The following ONECUT2 variants were observed in gnomAD, a reference collection of about 807,000 sequenced individuals.
The protein encoded by ONECUT2 is one cut domain family member 2.
ONECUT2 carries 10 observed loss-of-function variants against 27.9 expected under a neutral mutation model. The observed-to-expected ratio is 0.36, with a 90% CI of 0.22 to 0.61. The LOEUF (loss-of-function observed/expected upper bound fraction) is 0.61. ONECUT2 is among the 20% of genes least tolerant of loss of function. ONECUT2 has a pLI of 0.73. For synonymous variants in ONECUT2, 334 were observed against 315.1 expected (o/e 1.06, Z -0.64); for missense variants, 686 against 721.0 (o/e 0.95, Z 0.56).
chr18:57,460,173 C>A (rs1029099352), intron 1 of ONECUT2, among the ~76,000 whole-genome samples: 1 of 148,416 alleles, frequency 6.7e-6, no homozygotes, highest in African/African-American at 2.5e-5. Flanking sequence ...GCAATCCCCC[C>A]ACCTCAGCCT....
At chr18:57,476,047 G>C (rs4940770) in intron 1 of ONECUT2, among the ~76,000 whole-genome samples, 9,671 of 152,216 alleles carry the variant, frequency 0.064, 807 homozygotes, top group East Asian at 0.36. Context: ...TCGAGAGGGT[G>C]AATATGAAAG....
In ONECUT2 at chr18:57,479,204, C is replaced by T. The variant is rs10163833; in HGVS notation, c.*2481C>T. 6.6e-6 allele frequency: 1 copy of T among 152,120 alleles called. No homozygotes were observed. Among genetic ancestry groups the T allele is most frequent in the Non-Finnish European group, 1.5e-5 (1 of 67,972 alleles). The allele number at this position is 152,120 out of a possible 1,614,324, so 9.4% of individuals were successfully genotyped here. On this transcript the variant is annotated 3_prime_UTR_variant, in exon 2 of 2. Transcript: ENST00000491143. The stretch of plus-strand genomic sequence containing the variant: ...GAGTTTATAGAGGAATTTACAGCCT[C>T]GTTTTCATGTGATTGCTACATCCTA...
chr18:57,467,011 C>T, intron 1 of ONECUT2: 3 of 360,234 alleles, frequency 8.3e-6, no homozygotes, highest in South Asian at 6.3e-5. Context: ...GGAGATCTGC[C>T]CACCAGGGGC....
chr18:57,457,591 G>C (rs903276793), intron 1 of ONECUT2, among the ~76,000 whole-genome samples: 6 of 151,978 alleles, frequency 3.9e-5, no homozygotes, highest in Non-Finnish European at 7.4e-5. Context: ...AGTTGTGTTT[G>C]CTCAGTAGTG....
chr18:57,438,592 C>T (rs73959057), intron 1 of ONECUT2, among the ~76,000 whole-genome samples: 17,817 of 152,220 alleles, frequency 0.12, 1,341 homozygotes, highest in South Asian at 0.3. Context: ...TCCGCTTTGA[C>T]AGCATTTTCC....
chr18:57,436,253 C>G lies in ONECUT2; in HGVS notation c.537C>G (p.His179Gln). Reference sequence around the variant, plus strand: ...ACCCGCACCACCATCCGCACCACCACCACCACCACCACCACCAGCGCCTGT... The same window carrying G: ...ACCCGCACCACCATCCGCACCACCAGCACCACCACCACCACCAGCGCCTGT... The part of the protein sequence containing the change: ...HPHPHHHPHH[H>Q]HHHHHQRLSG... Residue 179 changes from histidine (H) to glutamine (Q), a missense_variant, in exon 1 of 2, where the codon CAC becomes CAG. Physicochemically the swap from His to Gln is conservative, Grantham distance 24. This residue lies in a region of ONECUT2 where 511 missense variants were observed against 488.1 expected (regional missense o/e 1.05). Transcript: ENST00000491143. This position sits in a 1 kb window ranked among gnomAD's most constrained non-coding sequence, Gnocchi z 5.9. 5 of 1,601,308 alleles carry G rather than the reference C, an allele frequency of 3.1e-6. No homozygotes were observed. Among genetic ancestry groups the G allele is most frequent in the Non-Finnish European group, 4.2e-6 (5 of 1,177,212 alleles).
rs2050267038 is a variant in ONECUT2 at position 57,457,618 on chromosome 18, T to C, written c.1229-18819T>C. Among the ~76,000 whole-genome samples the C allele has an allele frequency of 2.0e-5, 3 of 152,194 alleles. No homozygotes were observed. In the South Asian group the frequency reaches 6.2e-4, roughly 32 times the overall value. Reference sequence around the variant, plus strand: ...TCAGTAGTGGGATACTGCCTGTGAATAGCCACTGTACTCCAGCAGCTTAAA... The same window carrying C: ...TCAGTAGTGGGATACTGCCTGTGAACAGCCACTGTACTCCAGCAGCTTAAA... On this transcript the variant is annotated intron_variant, in intron 1 of 1. Coordinates refer to ENST00000491143, the MANE Select transcript of ONECUT2 (RefSeq NM_004852.3).
chr18:57,486,634 A>G lies in ONECUT2; in HGVS notation c.*9911A>G, dbSNP rs2050440038. 1 of 152,618 alleles carries G rather than the reference A, an allele frequency of 6.6e-6. No homozygotes were observed. 9.5% of individuals were successfully genotyped at this position (152,618 alleles called of 1,614,324 possible). ...AAAAGAAAAAAGAAAAAAAAGCTTTATACGTTTTAGGTTGTGCTTTTGTAA... is the reference window on the plus strand; with the variant it reads ...AAAAGAAAAAAGAAAAAAAAGCTTTGTACGTTTTAGGTTGTGCTTTTGTAA... On this transcript the variant is annotated 3_prime_UTR_variant, in exon 2 of 2. Coordinates refer to ENST00000491143, the MANE Select transcript of ONECUT2 (RefSeq NM_004852.3).
At position 57,483,928 on chromosome 18, in the gene ONECUT2, CAGAG is replaced by C. The variant is rs1299974911; in HGVS notation, c.*7208_*7211del. ...AGTTTATATTTTTAATTTAAAACAA[CAGAG>C]AGCACTGCAGTTTGTTTGCTGTCAG... is the stretch of plus-strand genomic sequence containing the variant. On this transcript the variant is annotated 3_prime_UTR_variant, in exon 2 of 2. Coordinates refer to ENST00000491143, the MANE Select transcript of ONECUT2 (RefSeq NM_004852.3). The C allele has an allele frequency of 6.6e-6, 1 of 152,618 alleles. No individual in the cohort carries two copies. The highest frequency in any genetic ancestry group is 1.9e-4 in the East Asian group (1 of 5,184). 9.5% of individuals were successfully genotyped at this position (152,618 alleles called of 1,614,324 possible). A position where few individuals can be genotyped will look rare whatever the true frequency, so the allele number is the denominator to read the frequency against.
Position 57,485,586 on chromosome 18 carries a change from A to G in ONECUT2, c.*8863A>G, listed in dbSNP as rs973374861. ...CAGCTTTTGACCAAATGGGTTTTAG[A>G]CAAATGCAAAGATCTGCCTCTAGTC... On this transcript the variant is annotated 3_prime_UTR_variant, in exon 2 of 2. Transcript: ENST00000491143. The G allele has an allele frequency of 5.9e-5, 9 of 152,228 alleles. No individual in the cohort carries two copies. Among genetic ancestry groups the G allele is most frequent in the Non-Finnish European group, 1.2e-4 (8 of 68,042 alleles). The allele number at this position is 152,228 out of a possible 1,614,324, so 9.4% of individuals were successfully genotyped here.
chr18:57,478,661 G>A lies in ONECUT2; in HGVS notation c.*1938G>A, dbSNP rs962210516. 1 of 152,610 alleles carries A rather than the reference G, an allele frequency of 6.6e-6. No individual in the cohort carries two copies. The highest frequency in any genetic ancestry group is 2.4e-5 in the African/African-American group (1 of 41,438). 9.5% of individuals were successfully genotyped at this position (152,610 alleles called of 1,614,324 possible). On this transcript the variant is annotated 3_prime_UTR_variant, in exon 2 of 2. Transcript: ENST00000491143. The stretch of plus-strand genomic sequence containing the variant: ...TGCTGCTTCATTTGACAACTCACAC[G>A]GTAATCTTAAAGCTGAAGATTGTCT...
At chr18:57,451,249 C>A (rs1190602178) in intron 1 of ONECUT2, among the ~76,000 whole-genome samples, 2 of 152,196 alleles carry the variant, frequency 1.3e-5, no homozygotes, top group East Asian at 3.8e-4. Flanking sequence ...TGAAAGCATT[C>A]CAGATTTTTA....
chr18:57,440,551 C>A (rs985798357), intron 1 of ONECUT2, among the ~76,000 whole-genome samples: 8 of 152,226 alleles, frequency 5.3e-5, no homozygotes, highest in Non-Finnish European at 1.2e-4. Context: ...AAGCTCCCAG[C>A]GGCCAGTCTG....
chr18:57,443,734 G>A (rs535458617), intron 1 of ONECUT2, among the ~76,000 whole-genome samples: 2 of 152,328 alleles, frequency 1.3e-5, no homozygotes, highest in East Asian at 3.9e-4. Flanking sequence ...GAGGCAGGCT[G>A]TGGGCTGTGC....
rs2050448022 is a variant in ONECUT2 at position 57,488,297 on chromosome 18, A to C, written c.*11574A>C. ...AGTGTTTAATCTTCCAGAAAGCTTT[A>C]TATGTTGTTCCACAATAAAATTGAT... On this transcript the variant is annotated 3_prime_UTR_variant, in exon 2 of 2. Transcript: ENST00000491143. 6.6e-6 allele frequency: 1 copy of C among 152,620 alleles called. No homozygotes were observed. The highest frequency in any genetic ancestry group is 2.4e-5 in the African/African-American group (1 of 41,454). 9.5% of individuals were successfully genotyped at this position (152,620 alleles called of 1,614,324 possible).
chr18:57,461,136 C>G (rs1193210320), intron 1 of ONECUT2, among the ~76,000 whole-genome samples: 1 of 151,912 alleles, frequency 6.6e-6, no homozygotes, highest in Non-Finnish European at 1.5e-5. Context: ...CTCAAGTATC[C>G]TAACCACTAT....
In ONECUT2 at chr18:57,436,643, A is replaced by T. The variant is rs766146983; in HGVS notation, c.927A>T (p.Ala309=). Residue 309 remains alanine (A), a synonymous_variant, in exon 1 of 2, where the codon GCA becomes GCT. Transcript: ENST00000491143. This position sits in a 1 kb window ranked among gnomAD's most constrained non-coding sequence, Gnocchi z 5.9. ...GHTQSHGPVL[A]PSRERPPSSS... ...CTCAGTCTCACGGGCCGGTGCTGGCACCCAGTCGCGAGCGGCCACCCTCGT... is the reference window on the plus strand; with the variant it reads ...CTCAGTCTCACGGGCCGGTGCTGGCTCCCAGTCGCGAGCGGCCACCCTCGT... 9 of 1,612,162 alleles carry T rather than the reference A, an allele frequency of 5.6e-6. No homozygotes were observed. Among genetic ancestry groups the T allele is most frequent in the Non-Finnish European group, 7.6e-6 (9 of 1,179,904 alleles).
rs28655657 is a variant in ONECUT2 at position 57,438,337 on chromosome 18, G to A, written c.1228+1393G>A. 6.7e-3 allele frequency among the ~76,000 whole-genome samples: 1,016 copies of A among 152,340 alleles called. 12 individuals carry two copies. The highest frequency in any genetic ancestry group is 0.023 in the African/African-American group (959 of 41,588). On this transcript the variant is annotated intron_variant, in intron 1 of 1. Transcript: ENST00000491143. ...GAGGGGGGTATCTTTCAGGATCGGCGGGCGGTCTAGGGGAACAATTCGTGG... is the reference window on the plus strand; with the variant it reads ...GAGGGGGGTATCTTTCAGGATCGGCAGGCGGTCTAGGGGAACAATTCGTGG...
intron 1 of ONECUT2, among the ~76,000 whole-genome samples, chr18:57,457,681 G>T (rs1334279753): frequency 6.6e-6 from 1 of 152,124 alleles, no homozygotes; most frequent in African/African-American, 2.4e-5. Flanking sequence ...CAAAAGTTCT[G>T]CCACTCCACT....
Sources: gnomAD v4.1 joint callset for allele counts (sites outside exome capture counted in the v4.1 genomes callset) on GRCh38, gnomAD v4.1.1 for gene constraint, gnomAD v4.1.1 regional missense constraint, Gnocchi (gnomAD v3.1) non-coding constraint, MANE v1.5 for transcripts, NCBI Gene and HGNC (gene_info 2026-07-23, HGNC 2026-07-21) for gene names.